Variants in AKT3 observed in about 807,000 individuals in gnomAD.
AKT3 encodes AKT serine/threonine kinase 3, also known as RAC-gamma serine/threonine-protein kinase.
A neutral mutation model predicts 65.3 loss-of-function variants in AKT3; 15 were observed. The ratio of observed to expected loss-of-function variants is 0.23; its 90% CI spans 0.15 to 0.35. The LOEUF is 0.35. AKT3 is among the 10% of genes least tolerant of loss of function. AKT3 has a pLI of 1.00. For synonymous variants in AKT3, 206 were observed against 183.8 expected (o/e 1.12, Z -0.98); for missense variants, 243 against 576.5 (o/e 0.42, Z 5.92).
chr1:243,586,562 C>A (rs1393251610), intron 8 of AKT3, among the ~76,000 whole-genome samples: 1 of 152,110 alleles, frequency 6.6e-6, no homozygotes, highest in African/African-American at 2.4e-5. Context: ...AGAACAAAAT[C>A]CGGTCCTTTG....
intron 2 of AKT3, among the ~76,000 whole-genome samples, chr1:243,826,509 C>G (rs1052606653): frequency 6.6e-6 from 1 of 152,222 alleles, no homozygotes; most frequent in Non-Finnish European, 1.5e-5. Context: ...TCGGAGAAAG[C>G]TTTTGCATTC....
intron 2 of AKT3, among the ~76,000 whole-genome samples, chr1:243,731,625 G>A (rs1359835581): frequency 6.6e-6 from 1 of 152,134 alleles, no homozygotes. Flanking sequence ...GAAATAGAAG[G>A]CACTAGAAGT....
chr1:243,731,106 T>C (rs1168586826), intron 2 of AKT3, among the ~76,000 whole-genome samples: 2 of 152,242 alleles, frequency 1.3e-5, no homozygotes, highest in Non-Finnish European at 2.9e-5. Flanking sequence ...GGTTCCCGGC[T>C]GGCAGAGTGA....
chr1:243,611,627 T>C (rs1677876806), intron 8 of AKT3, among the ~76,000 whole-genome samples: 1 of 151,666 alleles, frequency 6.6e-6, no homozygotes, highest in South Asian at 2.1e-4. Context: ...GAAGTTGCAG[T>C]GAGCAGAGAT....
intron 2 of AKT3, among the ~76,000 whole-genome samples, chr1:243,702,345 G>A (rs906596311): frequency 5.9e-5 from 9 of 152,072 alleles, no homozygotes; most frequent in African/African-American, 2.2e-4. Flanking sequence ...TAAGAGCAAG[G>A]ACTCTGGAGT....
intron 2 of AKT3, among the ~76,000 whole-genome samples, chr1:243,702,060 CT>C (rs1685498696): frequency 1.3e-5 from 2 of 148,878 alleles, no homozygotes; most frequent in Admixed American, 1.3e-4. Context: ...AAAATAACCT[CT>C]TTCGCAATCT....
chr1:243,740,847 G>A lies in AKT3; in HGVS notation c.47-45131C>T, dbSNP rs920936790. The A allele has an allele frequency of 2.6e-5, 4 of 152,070 alleles. No homozygotes were observed. In the South Asian group the frequency reaches 8.3e-4, roughly 32 times the overall value. The allele number at this position is 152,070 out of a possible 1,614,324, so 9.4% of individuals were successfully genotyped here. ...GGCCTCTATCTTTACTCTTCATTTT[G>A]TATCTGGTATTGTACAAAGGCCAGG... On this transcript the variant is annotated intron_variant, in intron 2 of 13. Coordinates refer to ENST00000673466, the MANE Select transcript of AKT3 (RefSeq NM_005465.7).
intron 1 of AKT3, among the ~76,000 whole-genome samples, chr1:243,843,917 TG>T (rs1695397952): frequency 6.6e-6 from 1 of 152,178 alleles, no homozygotes; most frequent in African/African-American, 2.4e-5. Context: ...CCCAAAGTGC[TG>T]GGATTACAGA....
rs1669329478 is a variant in AKT3 at position 243,501,784 on chromosome 1, T to C, written c.*3465A>G. The C allele has an allele frequency of 4.3e-6, 1 of 232,978 alleles. No homozygotes were observed. Among genetic ancestry groups the C allele is most frequent in the East Asian group, 6.1e-5 (1 of 16,492 alleles). 14.4% of individuals were successfully genotyped at this position (232,978 alleles called of 1,614,324 possible). A position where few individuals can be genotyped will look rare whatever the true frequency, so the allele number is the denominator to read the frequency against. ...GAAGTAGCAGATTGACATAGTGCTT[T>C]ATTTAAGCTGTCTGTACGAAGGAAA... On this transcript the variant is annotated 3_prime_UTR_variant, in exon 14 of 14. Transcript: ENST00000673466.
rs57576796 is a variant in AKT3 at position 243,616,307 on chromosome 1, T to TAAAAAAAAAA, written c.562-1156_562-1147dup. 1.7e-3 allele frequency among the ~76,000 whole-genome samples: 116 copies of TAAAAAAAAAA among 66,766 alleles called. 9 individuals carry two copies. The highest frequency in any genetic ancestry group is 6.6e-3 in the African/African-American group (112 of 17,040). 43.8% of individuals were successfully genotyped at this position (66,766 alleles called of 152,430 possible). A position where few individuals can be genotyped will look rare whatever the true frequency, so the allele number is the denominator to read the frequency against. ...GACTACAGGTTTAATGTGCTTTTCT[T>TAAAAAAAAAA]AAAAAAAAAAAAAAAAAAAAAAAAA... On this transcript the variant is annotated intron_variant, in intron 6 of 13. Transcript: ENST00000673466.
chr1:243,737,230 G>A (rs1216460994), intron 2 of AKT3, among the ~76,000 whole-genome samples: 2 of 152,118 alleles, frequency 1.3e-5, no homozygotes, highest in Non-Finnish European at 2.9e-5. Flanking sequence ...TTATTTCTCT[G>A]TGCCTCATAC....
intron 2 of AKT3, among the ~76,000 whole-genome samples, chr1:243,742,491 G>A (rs1333698379): frequency 1.3e-5 from 2 of 152,136 alleles, no homozygotes; most frequent in Non-Finnish European, 2.9e-5. Context: ...CGGGCATGGT[G>A]CTGGGTGTCT....
chr1:243,813,362 A>T (rs1572394689), intron 2 of AKT3, among the ~76,000 whole-genome samples: 2 of 152,280 alleles, frequency 1.3e-5, no homozygotes, highest in South Asian at 2.1e-4. Context: ...CCTCAAAAAA[A>T]TTAGAATCAA....
chr1:243,706,055 T>G (rs1044897903), intron 2 of AKT3, among the ~76,000 whole-genome samples: 1 of 152,198 alleles, frequency 6.6e-6, no homozygotes, highest in South Asian at 2.1e-4. Context: ...CCACCTTATA[T>G]TATCTAAATA....
chr1:243,660,566 T>C (rs1222587851), intron 4 of AKT3, among the ~76,000 whole-genome samples: 1 of 152,142 alleles, frequency 6.6e-6, no homozygotes, highest in Admixed American at 6.5e-5. Flanking sequence ...TATCTCAAAA[T>C]AATAAGAGCT....
At chr1:243,730,285 C>T (rs1006088199) in intron 2 of AKT3, among the ~76,000 whole-genome samples, 32 of 152,276 alleles carry the variant, frequency 2.1e-4, no homozygotes, top group Admixed American at 5.9e-4. Flanking sequence ...AGGAGCTGCC[C>T]GCTTTGGGTC....
chr1:243,522,463 G>T (rs1670780752), intron 12 of AKT3, among the ~76,000 whole-genome samples: 1 of 152,100 alleles, frequency 6.6e-6, no homozygotes, highest in African/African-American at 2.4e-5. Context: ...TTCAAGACTA[G>T]CCTGAGTAAC....
chr1:243,848,563 G>A lies in AKT3; in HGVS notation c.-113+1477C>T, dbSNP rs534107186. On this transcript the variant is annotated intron_variant, in intron 1 of 13. Coordinates refer to ENST00000673466, the MANE Select transcript of AKT3 (RefSeq NM_005465.7). ...AAGTAAATACATAACCTAAACCAAT[G>A]AGTTTCACTCATTTGTCAGCTTCAA... Among the ~76,000 whole-genome samples the A allele has an allele frequency of 2.0e-5, 3 of 152,112 alleles. No homozygotes were observed. In the East Asian group the frequency reaches 5.8e-4, roughly 29 times the overall value.
At chr1:243,585,024 T>C (rs1233804675) in intron 8 of AKT3, among the ~76,000 whole-genome samples, 1 of 152,158 alleles carries the variant, frequency 6.6e-6, no homozygotes, top group East Asian at 1.9e-4. Context: ...CAAAAGGCTA[T>C]TAGAACTGAT....
Sources: allele counts gnomAD v4.1 joint callset (sites outside exome capture counted in the v4.1 genomes callset), GRCh38; gene constraint gnomAD v4.1.1; transcripts MANE v1.5; gene names NCBI Gene and HGNC (gene_info 2026-07-23, HGNC 2026-07-21).